The following COL6A3 variants were observed in gnomAD, a reference collection of about 807,000 sequenced individuals.
COL6A3 encodes the protein collagen type VI alpha 3 chain.
A neutral mutation model predicts 274.1 loss-of-function variants in COL6A3; 137 were observed. The observed-to-expected ratio is 0.50, with a 90% CI of 0.44 to 0.58. The LOEUF (loss-of-function observed/expected upper bound fraction) is 0.58, where lower values mean the gene tolerates loss of function less well. Among genes scored for constraint, COL6A3 ranks in the 20% least tolerant of loss-of-function variants. The pLI is 0.00. For synonymous variants in COL6A3, 1,650 were observed against 1,650.6 expected, an observed-to-expected ratio of 1.00 and a Z score of 0.01; for missense variants, 3,950 against 4,124.9, an observed-to-expected ratio of 0.96 and a Z score of 1.16.
At chr2:237,401,934 C>T (rs1463610436) in intron 1 of COL6A3, among the ~76,000 whole-genome samples, 1 of 152,110 alleles carries the variant, frequency 6.6e-6, no homozygotes, top group African/African-American at 2.4e-5. Context: ...ATCCTTCCAC[C>T]TTAGCCTTCC....
In COL6A3 at chr2:237,379,076, G is replaced by A. The variant is rs776016939; in HGVS notation, c.2057C>T (p.Thr686Ile). Residue 686 changes from threonine to isoleucine, a missense_variant, in exon 6 of 44, where the codon ACT (threonine) becomes ATT (isoleucine). Physicochemically the swap from Thr to Ile is moderately conservative, Grantham distance 89. Coordinates refer to ENST00000295550, the MANE Select transcript of COL6A3 (RefSeq NM_004369.4). ...GTTTAAAGAGAACTCCGTTACAGGAGTGTCACTAAATTGCACTAAACCAAC... is the reference window on the plus strand; with the variant it reads ...GTTTAAAGAGAACTCCGTTACAGGAATGTCACTAAATTGCACTAAACCAAC... ...IRVGLVQFSD[T>I]PVTEFSLNTY... is the part of the protein sequence containing the mutation. 3.1e-6 allele frequency: 5 copies of A among 1,614,114 alleles called. No individual in the cohort carries two copies. In the East Asian group the frequency reaches 1.1e-4, roughly 36 times the overall value.
intron 3 of COL6A3, among the ~76,000 whole-genome samples, chr2:237,389,584 T>A (rs1437125360): frequency 6.6e-6 from 1 of 152,208 alleles, no homozygotes; most frequent in East Asian, 1.9e-4. Flanking sequence ...AAAGCTTGTC[T>A]CACAAAATTG....
In COL6A3 at chr2:237,388,184, G is replaced by A. The variant is rs2078202375; in HGVS notation, c.710C>T (p.Ala237Val). The A allele has an allele frequency of 1.2e-6, 2 of 1,613,810 alleles. No homozygotes were observed. The highest frequency in any genetic ancestry group is 2.2e-5 in the South Asian group (2 of 91,086). ...GDTETLKDIT[A>V]QDSADIIFLI... ...GAAAATAATGTCAGCAGAGTCTTGT[G>A]CTTTAAAAGAAAGAAATGCAAAAAA... Residue 237 changes from alanine to valine, a missense_variant and splice_region_variant, in exon 4 of 44, where the codon GCA becomes GTA. Transcript: ENST00000295550.
At chr2:237,360,831 T>G in intron 16 of COL6A3, among the ~76,000 whole-genome samples, 1 of 152,150 alleles carries the variant, frequency 6.6e-6, no homozygotes, top group East Asian at 1.9e-4. Flanking sequence ...TGTCTTAATC[T>G]AGTAGATACT....
chr2:237,348,495 A>T (rs1342647465), intron 29 of COL6A3, 111 bp from the exon 30 acceptor site: 3 of 1,335,106 alleles, frequency 2.2e-6, no homozygotes, highest in Non-Finnish European at 3.2e-6. Flanking sequence ...GAAAACACTC[A>T]CTCAAATACA....
chr2:237,360,730 A>G (rs1175736276), intron 16 of COL6A3, among the ~76,000 whole-genome samples: 2 of 152,088 alleles, frequency 1.3e-5, no homozygotes, highest in Admixed American at 6.5e-5. Flanking sequence ...CATCCCCTCC[A>G]GGGACTACCC....
rs764886185 is a variant in COL6A3, at chr2:237,380,968, C to G, written c.1844G>C (p.Gly615Ala). 7 of 1,614,080 alleles carry G rather than the reference C, an allele frequency of 4.3e-6. No individual in the cohort carries two copies. Among genetic ancestry groups the G allele is most frequent in the African/African-American group, 1.3e-5 (1 of 74,940 alleles). Residue 615 changes from glycine to alanine, a missense_variant, in exon 5 of 44, where the codon GGC becomes GCC. By Grantham distance (60) the Gly-to-Ala change is moderately conservative. Around this residue, in one of 5 missense-constraint regions of COL6A3, gnomAD observed 1,934 missense variants for 1,984.3 expected, o/e 0.97. Coordinates refer to ENST00000295550, the MANE Select transcript of COL6A3 (RefSeq NM_004369.4). The stretch of plus-strand genomic sequence containing the variant: ...AGGTGCCAGCAAGCCAGGCAGCATG[C>G]CTTGCAATGGGGCGGCTCGGAACTC... The part of the protein sequence containing the change: ...PAEFRAAPLQ[G>A]MLPGLLAPLR...
At chr2:237,352,425 C>T (rs753042677) in intron 26 of COL6A3, 97 bp downstream of exon 26, 20 of 1,215,014 alleles carry the variant, frequency 1.6e-5, no homozygotes, top group Non-Finnish European at 2.4e-5. Flanking sequence ...AAAGGGAGGT[C>T]TGTCTACAAT....
rs748793047 is a variant in COL6A3 at position 237,344,256 on chromosome 2, G to T, written c.7668+94C>A. On this transcript the variant is annotated intron_variant, in intron 36 of 43. Transcript: ENST00000295550. This position sits in a 1 kb window ranked among gnomAD's most constrained non-coding sequence, Gnocchi z 4.8. ...ATTGGGGACGTTTTAGGAGCTATGG[G>T]ACATGAAGCCACAAAGGAGCATGGA... 1 of 1,585,844 alleles carries T rather than the reference G, an allele frequency of 6.3e-7. No individual in the cohort carries two copies. Among genetic ancestry groups the T allele is most frequent in the Admixed American group, 1.7e-5 (1 of 59,980 alleles).
chr2:237,390,607 G>A (rs2078263691), intron 3 of COL6A3, among the ~76,000 whole-genome samples: 1 of 152,172 alleles, frequency 6.6e-6, no homozygotes, highest in Admixed American at 6.5e-5. Flanking sequence ...CTACAGAAAA[G>A]TTTTACAGTG....
chr2:237,341,068 C>T lies in COL6A3; in HGVS notation c.7848G>A (p.Val2616=), dbSNP rs1282472170. 1 of 1,614,148 alleles carries T rather than the reference C, an allele frequency of 6.2e-7. No individual in the cohort carries two copies. Among genetic ancestry groups the T allele is most frequent in the East Asian group, 2.2e-5 (1 of 44,878 alleles). The change falls in exon 38 of 44, where the codon GTG becomes GTA. Residue 2616 remains valine (V), a synonymous_variant. Transcript: ENST00000295550. ...FRDRRAAGSD[V]DIDMAFILDS... Reference sequence around the variant, plus strand: ...CTAAGATGAAAGCCATGTCGATGTCCACATCGCTCCCTGCCGCTCTCCTGT... The same window carrying T: ...CTAAGATGAAAGCCATGTCGATGTCTACATCGCTCCCTGCCGCTCTCCTGT...
At chr2:237,346,139 C>T (rs1021876872) in intron 32 of COL6A3, among the ~76,000 whole-genome samples, 14 of 152,114 alleles carry the variant, frequency 9.2e-5, no homozygotes, top group African/African-American at 3.4e-4. Flanking sequence ...CATTGTCAAA[C>T]CAAGGCCTGG....
At position 237,363,239 on chromosome 2, in the gene COL6A3, TA is replaced by T. The variant is rs11385011; in HGVS notation, c.6063+13del. The T allele has an allele frequency of 8.7e-6, 14 of 1,611,034 alleles. No individual in the cohort carries two copies. The highest frequency in any genetic ancestry group is 5.4e-5 in the African/African-American group (4 of 74,460). On this transcript the variant is annotated intron_variant, in intron 14 of 43. Transcript: ENST00000295550. ...CTACACTGGTCTGTGTATAAAGACA[TA>T]AAAAAAACTCACAAGCTGCTCCGCT...
intron 11 of COL6A3, 35 bp from the exon 12 acceptor site, chr2:237,366,070 CTGGG>C: frequency 3.1e-6 from 5 of 1,596,986 alleles, no homozygotes; most frequent in African/African-American, 1.3e-5. Context: ...GAGTTCTCAG[CTGGG>C]GCTGAGGAGA....
rs545819982 is a variant in COL6A3 at position 237,344,505 on chromosome 2, C to T, written c.7513G>A (p.Gly2505Arg). The change falls in exon 36 of 44, where the codon GGA becomes AGA. Residue 2505 changes from glycine (G) to arginine (R), a missense_variant. Gly to Arg is a moderately radical substitution (Grantham distance 125). Transcript: ENST00000295550. The surrounding 1 kb of genome is among the most constrained non-coding windows in gnomAD (Gnocchi z 4.8). Reference sequence around the variant, plus strand: ...ACAGCCACTTTCCTCATTAGGAATCCGTTCCTCACACGCTTAAATGTGTTC... The same window carrying T: ...ACAGCCACTTTCCTCATTAGGAATCTGTTCCTCACACGCTTAAATGTGTTC... ...ARNTFKRVRN[G>R]FLMRKVAVFF... 5.5e-5 allele frequency: 88 copies of T among 1,614,192 alleles called. No individual in the cohort carries two copies. The Admixed American group carries it at 1.0e-3, about 19-fold the overall frequency.
intron 43 of COL6A3, 96 bp from the exon 44 acceptor site, chr2:237,324,910 C>G (rs779061806): frequency 1.6e-6 from 2 of 1,236,808 alleles, no homozygotes; most frequent in Non-Finnish European, 2.4e-6. Flanking sequence ...CTGTCATTAT[C>G]ATGACACAGT....
Position 237,386,012 on chromosome 2 carries a change from C to T in COL6A3, c.1312+1570G>A, listed in dbSNP as rs10199809. 6.7e-3 allele frequency among the ~76,000 whole-genome samples: 1,015 copies of T among 152,330 alleles called. 8 individuals carry two copies. Among genetic ancestry groups the T allele is most frequent in the African/African-American group, 0.023 (967 of 41,580 alleles). ...ACACAGCCTTCTCCAGAAGGCAACACTCACATATACTTTTCTTGCTACATC... is the reference window on the plus strand; with the variant it reads ...ACACAGCCTTCTCCAGAAGGCAACATTCACATATACTTTTCTTGCTACATC... On this transcript the variant is annotated intron_variant, in intron 4 of 43. Coordinates refer to ENST00000295550, the MANE Select transcript of COL6A3 (RefSeq NM_004369.4).
chr2:237,385,194 CTT>C (rs1481480257), intron 4 of COL6A3, among the ~76,000 whole-genome samples: 1 of 152,222 alleles, frequency 6.6e-6, no homozygotes, highest in African/African-American at 2.4e-5. Context: ...ATTATTGTCT[CTT>C]TCCCCATTAT....
chr2:237,391,946 G>A (rs937810781), intron 3 of COL6A3, among the ~76,000 whole-genome samples: 1 of 152,124 alleles, frequency 6.6e-6, no homozygotes, highest in Non-Finnish European at 1.5e-5. Context: ...TCATTTCCTG[G>A]TAACCTGAGT....
Sources: gnomAD v4.1 joint callset for allele counts (sites outside exome capture counted in the v4.1 genomes callset) on GRCh38, gnomAD v4.1.1 for gene constraint, gnomAD v4.1.1 regional missense constraint, Gnocchi (gnomAD v3.1) non-coding constraint, MANE v1.5 for transcripts, NCBI Gene and HGNC (gene_info 2026-07-23, HGNC 2026-07-21) for gene names.